The following WWOX variants were observed in gnomAD, a reference collection of about 807,000 sequenced individuals.
WWOX encodes WW domain-containing oxidoreductase.
Under a neutral mutation model 46.2 loss-of-function variants are expected in WWOX, and 69 were observed. The ratio of observed to expected loss-of-function variants is 1.49; its 90% CI spans 1.23 to 1.82. WWOX has a LOEUF of 1.82. WWOX is among the 40% of genes most tolerant of loss of function. WWOX has a pLI of 0.00. For synonymous variants in WWOX, 359 were observed against 202.6 expected, an observed-to-expected ratio of 1.77 and a Z score of -6.56; for missense variants, 919 against 542.6, an observed-to-expected ratio of 1.69 and a Z score of -6.89.
chr16:78,121,703 G>C (rs4888745), intron 4 of WWOX, among the ~76,000 whole-genome samples: 101,154 of 150,988 alleles, frequency 0.67, 33,895 homozygotes, highest in East Asian at 0.75. Flanking sequence ...ACTCTGTTGC[G>C]CAGGCTGGAG....
chr16:78,354,021 C>G (rs533943211), intron 5 of WWOX, among the ~76,000 whole-genome samples: 4 of 152,214 alleles, frequency 2.6e-5, no homozygotes, highest in Admixed American at 2.6e-4. Flanking sequence ...TTATTTTCTT[C>G]ATAAGAATTC....
chr16:78,782,633 C>CCTTT (rs1379402545), intron 8 of WWOX, among the ~76,000 whole-genome samples: 1 of 151,492 alleles, frequency 6.6e-6, no homozygotes, highest in East Asian at 1.9e-4. Flanking sequence ...TAACCTTTTA[C>CCTTT]CTTTCTTTCT....
intron 8 of WWOX, among the ~76,000 whole-genome samples, chr16:78,919,800 C>T (rs1048197848): frequency 6.6e-6 from 1 of 152,138 alleles, no homozygotes; most frequent in Non-Finnish European, 1.5e-5. Flanking sequence ...CAGGCATGAG[C>T]CACTGCACCT....
At chr16:78,603,887 A>G (rs373664585) in intron 8 of WWOX, among the ~76,000 whole-genome samples, 61 of 152,216 alleles carry the variant, frequency 4.0e-4, no homozygotes, top group East Asian at 3.7e-3. Context: ...CACACCTGTA[A>G]TCCCAGCACT....
chr16:79,176,235 G>T (rs903552339), intron 8 of WWOX, among the ~76,000 whole-genome samples: 6 of 152,206 alleles, frequency 3.9e-5, no homozygotes. Flanking sequence ...GGGTAGTCCT[G>T]GCCAATGGCA....
chr16:78,636,167 T>C (rs1285816549), intron 8 of WWOX, among the ~76,000 whole-genome samples: 1 of 152,162 alleles, frequency 6.6e-6, no homozygotes, highest in Non-Finnish European at 1.5e-5. Flanking sequence ...TATATTATAA[T>C]GGAAACCAGG....
rs552963888 is a variant in WWOX, at chr16:78,599,364, A to G, written c.1056+166612A>G. ...TCCACCTTGGGCTTGAGACTCTGCAAAGTGCATTAAATGGGAAGGAAACCA... is the reference window on the plus strand; with the variant it reads ...TCCACCTTGGGCTTGAGACTCTGCAGAGTGCATTAAATGGGAAGGAAACCA... On this transcript the variant is annotated intron_variant, in intron 8 of 8. Coordinates refer to ENST00000566780, the MANE Select transcript of WWOX (RefSeq NM_016373.4). Among the ~76,000 whole-genome samples the G allele has an allele frequency of 2.9e-4, 44 of 152,298 alleles. No individual in the cohort carries two copies. The South Asian group carries it at 7.7e-3, about 27-fold the overall frequency.
intron 8 of WWOX, among the ~76,000 whole-genome samples, chr16:78,940,460 T>A (rs1369684429): frequency 6.6e-6 from 1 of 152,182 alleles, no homozygotes; most frequent in Non-Finnish European, 1.5e-5. Context: ...ATATGCAAAT[T>A]CCAGAATCAG....
chr16:78,136,045 C>A (rs926470122), intron 4 of WWOX, among the ~76,000 whole-genome samples: 1 of 152,104 alleles, frequency 6.6e-6, no homozygotes, highest in Admixed American at 6.5e-5. Context: ...TTTCTTATGG[C>A]TTTTTCATGT....
intron 8 of WWOX, among the ~76,000 whole-genome samples, chr16:78,770,971 A>G (rs1409967875): frequency 6.6e-6 from 1 of 152,214 alleles, no homozygotes; most frequent in Non-Finnish European, 1.5e-5. Flanking sequence ...CCTCTCTAAA[A>G]AGGTGACATT....
intron 8 of WWOX, among the ~76,000 whole-genome samples, chr16:79,098,163 GC>G (rs1471059651): frequency 1.3e-5 from 2 of 152,304 alleles, no homozygotes; most frequent in East Asian, 3.9e-4. Context: ...TCACCTGGGA[GC>G]TTGAAAACAC....
chr16:79,070,307 T>TGTGTGTGTGTGTGTG (rs1567529197), intron 8 of WWOX, among the ~76,000 whole-genome samples: 2 of 150,336 alleles, frequency 1.3e-5, no homozygotes, highest in South Asian at 2.1e-4. Flanking sequence ...TGTGTGTGTG[T>TGTGTGTGTGTGTGTG]TTTCCAGAAA....
At chr16:78,378,525 T>G (rs2081881655) in intron 5 of WWOX, among the ~76,000 whole-genome samples, 2 of 152,200 alleles carry the variant, frequency 1.3e-5, no homozygotes, top group African/African-American at 2.4e-5. Context: ...TGTTATGAAG[T>G]CCCACATATG....
intron 1 of WWOX, 150 bp from the exon 2 acceptor site, chr16:78,108,273 C>G (rs1314533789): frequency 1.3e-6 from 1 of 757,712 alleles, no homozygotes; most frequent in Non-Finnish European, 2.2e-6. Context: ...AAGTTGACCC[C>G]GTAGCTGGGG....
intron 8 of WWOX, among the ~76,000 whole-genome samples, chr16:78,504,331 G>T (rs1209990545): frequency 6.6e-6 from 1 of 152,314 alleles, no homozygotes; most frequent in Middle Eastern, 3.4e-3. Context: ...TTTTCTGAAA[G>T]AAATTCCCAG....
At chr16:78,711,805 C>T (rs1567508347) in intron 8 of WWOX, among the ~76,000 whole-genome samples, 1 of 152,160 alleles carries the variant, frequency 6.6e-6, no homozygotes, top group Non-Finnish European at 1.5e-5. Context: ...AAGCCTCCTG[C>T]ACACACTCTC....
chr16:78,339,860 G>T lies in WWOX; in HGVS notation c.517-47000G>T, dbSNP rs539337405. Among the ~76,000 whole-genome samples, 7 of 115,976 alleles carry T rather than the reference G, an allele frequency of 6.0e-5. 2 individuals are homozygous for T. Among genetic ancestry groups the T allele is most frequent in the Non-Finnish European group, 1.4e-4 (7 of 49,118 alleles). 76.1% of individuals were successfully genotyped at this position (115,976 alleles called of 152,430 possible). A position where few individuals can be genotyped will look rare whatever the true frequency, so the allele number is the denominator to read the frequency against. On this transcript the variant is annotated intron_variant, in intron 5 of 8. Coordinates refer to ENST00000566780, the MANE Select transcript of WWOX (RefSeq NM_016373.4). Reference sequence around the variant, plus strand: ...ATGGGAGGCATATCATCAACCCCTTGCTGCTATCCAAATAGGAGACTGTTC... The same window carrying T: ...ATGGGAGGCATATCATCAACCCCTTTCTGCTATCCAAATAGGAGACTGTTC...
At chr16:78,871,654 CAGT>C (rs941218134) in intron 8 of WWOX, among the ~76,000 whole-genome samples, 2 of 152,226 alleles carry the variant, frequency 1.3e-5, no homozygotes, top group African/African-American at 4.8e-5. Context: ...GGCTGGAGTG[CAGT>C]AGTGCAATTT....
At chr16:78,968,253 G>A (rs1597217760) in intron 8 of WWOX, among the ~76,000 whole-genome samples, 1 of 152,204 alleles carries the variant, frequency 6.6e-6, no homozygotes, top group Non-Finnish European at 1.5e-5. Context: ...GTGAATGGGC[G>A]ATTTCCAGAC....
Sources: gnomAD v4.1 joint callset for allele counts (sites outside exome capture counted in the v4.1 genomes callset) on GRCh38, gnomAD v4.1.1 for gene constraint, MANE v1.5 for transcripts, NCBI Gene and HGNC (gene_info 2026-07-23, HGNC 2026-07-21) for gene names.